The following IFNAR2 variants were observed in gnomAD, a reference collection of about 807,000 sequenced individuals.
IFNAR2 encodes interferon alpha and beta receptor subunit 2.
A neutral mutation model predicts 49.4 loss-of-function variants in IFNAR2; 30 were observed. The ratio of observed to expected loss-of-function variants is 0.61; its 90% confidence interval spans 0.45 to 0.82. IFNAR2 has a LOEUF of 0.82. IFNAR2 is among the 40% of genes least tolerant of loss of function. The probability of loss-of-function intolerance (pLI) is 0.00; values close to 1 mark genes in which losing one functional copy is unlikely to be tolerated. For synonymous variants in IFNAR2, 224 were observed against 234.5 expected (o/e 0.96, Z 0.41); for missense variants, 600 against 622.7 (o/e 0.96, Z 0.39).
At chr21:33,233,563 C>A (rs1246851927) in intron 1 of IFNAR2, among the ~76,000 whole-genome samples, 1 of 152,090 alleles carries the variant, frequency 6.6e-6, no homozygotes, top group Non-Finnish European at 1.5e-5. Context: ...AAAACAAAAT[C>A]AAGCTCGCCT....
In IFNAR2 at chr21:33,265,656, T is replaced by A. The variant is rs979589800; in HGVS notation, c.*2156T>A. The A allele has an allele frequency of 5.7e-5, 13 of 227,750 alleles. No homozygotes were observed. The Admixed American group carries it at 6.9e-4, about 12-fold the overall frequency. The allele number at this position is 227,750 out of a possible 1,614,324, so 14.1% of individuals were successfully genotyped here. ...AAAAAGTAACACAACAGTACTTTTT[T>A]AATACAAACTTGGTGTGGTCTTGAG... On this transcript the variant is annotated 3_prime_UTR_variant, in exon 9 of 9. Coordinates refer to ENST00000342136, the MANE Select transcript of IFNAR2 (RefSeq NM_001289125.3).
At chr21:33,262,358 C>A (rs1988648332) in intron 8 of IFNAR2, among the ~76,000 whole-genome samples, 1 of 121,936 alleles carries the variant, frequency 8.2e-6, no homozygotes, top group African/African-American at 3.2e-5. Context: ...AGCGAGACTC[C>A]CGTCTCAAAA....
At chr21:33,260,253 G>A (rs1175354502) in intron 7 of IFNAR2, among the ~76,000 whole-genome samples, 3 of 152,138 alleles carry the variant, frequency 2.0e-5, no homozygotes, top group Non-Finnish European at 1.5e-5. Flanking sequence ...GCTACCGAAC[G>A]TTTGAGATGT....
At chr21:33,247,657 A>G (rs1987539902) in intron 5 of IFNAR2, among the ~76,000 whole-genome samples, 1 of 152,146 alleles carries the variant, frequency 6.6e-6, no homozygotes, top group Non-Finnish European at 1.5e-5. Context: ...TCAGAGGAGA[A>G]GACTAGACCC....
In IFNAR2 at chr21:33,242,457, G is replaced by T. The variant is rs137865413; in HGVS notation, c.55+480G>T. 3.9e-5 allele frequency among the ~76,000 whole-genome samples: 6 copies of T among 152,178 alleles called. No homozygotes were observed. The East Asian group carries it at 9.7e-4, about 25-fold the overall frequency. On this transcript the variant is annotated intron_variant, in intron 2 of 8. Transcript: ENST00000342136. ...TGTTAAAGATCTCGTGTGTGTCCGG[G>T]CGCGGTGGCTCGCGCCTGTAATCCC...
intron 1 of IFNAR2, among the ~76,000 whole-genome samples, chr21:33,237,727 G>A (rs932305944): frequency 1.3e-5 from 2 of 152,172 alleles, no homozygotes; most frequent in Non-Finnish European, 2.9e-5. Flanking sequence ...GATATCTCAT[G>A]GGTGGTGGAG....
rs147228568 is a variant in IFNAR2, at chr21:33,263,045, G to A, written c.1093G>A (p.Glu365Lys). ...ATCCCAGTTGATAGACCCGGAGTCC[G>A]AGGAGGAGCCTGACCTGCCTGAGGT... is the stretch of plus-strand genomic sequence containing the variant. ...TESQLIDPES[E>K]EEPDLPEVDV... Residue 365 changes from glutamate (E) to lysine (K), a missense_variant, in exon 9 of 9, where the codon GAG becomes AAG. Glu to Lys is a moderately conservative substitution (Grantham distance 56). Coordinates refer to ENST00000342136, the MANE Select transcript of IFNAR2 (RefSeq NM_001289125.3). 28 of 1,614,034 alleles carry A rather than the reference G, an allele frequency of 1.7e-5. No individual in the cohort carries two copies. In the African/African-American group the frequency reaches 1.9e-4, roughly 11 times the overall value.
At chr21:33,241,733 AG>A (rs1429394409) in intron 1 of IFNAR2, 106 bp from the exon 2 acceptor site, 1 of 698,682 alleles carries the variant, frequency 1.4e-6, no homozygotes, top group Non-Finnish European at 2.1e-6. Context: ...TGGGCCCAGA[AG>A]CTGAGACCAG....
rs9975738 is a variant in IFNAR2 at position 33,229,941 on chromosome 21, T to G, written c.-359T>G. The G allele has an allele frequency of 0.56, 549,761 of 982,136 alleles. 154,265 individuals carry two copies. Among genetic ancestry groups the G allele is most frequent in the East Asian group, 0.7 (6,064 of 8,702 alleles). 60.8% of individuals were successfully genotyped at this position (982,136 alleles called of 1,614,324 possible). ...GCGGCGCGGCGCCCGCGCTTCCGTA[T>G]CGCTCCTCGTAGGCCGGGGCTCGGC... is the stretch of plus-strand genomic sequence containing the variant. On this transcript the variant is annotated 5_prime_UTR_variant, in exon 1 of 9. Transcript: ENST00000342136.
At position 33,241,966 on chromosome 21, in the gene IFNAR2, T is replaced by G. The variant is rs755873190; in HGVS notation, c.44T>G (p.Leu15Trp). ...GCCTTCATCTTCAGATCACTTAATT[T>G]GGTTCTCATGGGTAAGTGCTGCTTT... ...QNAFIFRSLNLVLMVYISLVF... is the reference protein window; with the variant it reads ...QNAFIFRSLNWVLMVYISLVF... Residue 15 changes from leucine (L) to tryptophan (W), a missense_variant, in exon 2 of 9, where the codon TTG (leucine) becomes TGG (tryptophan). Coordinates refer to ENST00000342136, the MANE Select transcript of IFNAR2 (RefSeq NM_001289125.3). 6 of 1,612,888 alleles carry G rather than the reference T, an allele frequency of 3.7e-6. No individual in the cohort carries two copies. In the Admixed American group the frequency reaches 1.0e-4, roughly 27 times the overall value.
chr21:33,261,035 C>CTTTTTTTTTT (rs368696822), intron 8 of IFNAR2, among the ~76,000 whole-genome samples: 84 of 95,976 alleles, frequency 8.8e-4, no homozygotes, highest in East Asian at 1.4e-3. Flanking sequence ...GTTTTCTTTC[C>CTTTTTTTTTT]TTTTTTTTTT....
chr21:33,247,246 C>CTT lies in IFNAR2; in HGVS notation c.394+358_394+359dup, dbSNP rs71194830. Among the ~76,000 whole-genome samples, 480 of 101,064 alleles carry CTT rather than the reference C, an allele frequency of 4.7e-3. 16 individuals are homozygous for CTT. The highest frequency in any genetic ancestry group is 0.012 in the African/African-American group (309 of 24,970). 66.3% of individuals were successfully genotyped at this position (101,064 alleles called of 152,430 possible). On this transcript the variant is annotated intron_variant, in intron 5 of 8. Coordinates refer to ENST00000342136, the MANE Select transcript of IFNAR2 (RefSeq NM_001289125.3). ...GGCCCAGGATTTTCTTTCTTTCTTT[C>CTT]TTTCTTTCTTTTTTTTTTTTTTTGA...
chr21:33,248,588 T>C, intron 5 of IFNAR2, 121 bp from the exon 6 acceptor site: 1 of 798,500 alleles, frequency 1.3e-6, no homozygotes, highest in African/African-American at 1.8e-5. Flanking sequence ...AATGAAAAAT[T>C]ATGATGTAAA....
At chr21:33,240,262 AAT>A (rs1307078917) in intron 1 of IFNAR2, among the ~76,000 whole-genome samples, 1 of 152,236 alleles carries the variant, frequency 6.6e-6, no homozygotes, top group Non-Finnish European at 1.5e-5. Flanking sequence ...TCTGTGTCTA[AAT>A]ATGTTCAGAT....
intron 1 of IFNAR2, among the ~76,000 whole-genome samples, chr21:33,238,764 C>T (rs1163148251): frequency 8.1e-6 from 1 of 122,936 alleles, no homozygotes; most frequent in African/African-American, 3.0e-5. Context: ...ATCACAGTTT[C>T]CCTTCTACTT....
rs1987646527 is a variant in IFNAR2 at position 33,248,962 on chromosome 21, G to A, written c.540+108G>A. 2.7e-5 allele frequency: 22 copies of A among 803,276 alleles called. 1 individual carries two copies. Among genetic ancestry groups the A allele is most frequent in the South Asian group, 2.5e-4 (14 of 55,880 alleles). 49.8% of individuals were successfully genotyped at this position (803,276 alleles called of 1,614,324 possible). ...GCAGTTGAACAATTAAAGCTAAAACGTCAGGCTTCAGTATGGTCCGACTTA... is the reference window on the plus strand; with the variant it reads ...GCAGTTGAACAATTAAAGCTAAAACATCAGGCTTCAGTATGGTCCGACTTA... On this transcript the variant is annotated intron_variant, in intron 6 of 8. Coordinates refer to ENST00000342136, the MANE Select transcript of IFNAR2 (RefSeq NM_001289125.3).
chr21:33,247,315 G>A (rs927274442), intron 5 of IFNAR2, among the ~76,000 whole-genome samples: 7 of 145,960 alleles, frequency 4.8e-5, no homozygotes, highest in African/African-American at 1.8e-4. Context: ...GCAGTGGTGC[G>A]ATCTTCGCTC....
chr21:33,260,450 G>A, intron 7 of IFNAR2, 147 bp from the exon 8 acceptor site: 1 of 627,836 alleles, frequency 1.6e-6, no homozygotes, highest in Non-Finnish European at 2.6e-6. Context: ...TAATTCTCCA[G>A]TCTCTGGTAT....
At chr21:33,260,807 ATT>A in intron 8 of IFNAR2, 80 bp downstream of exon 8, 1 of 887,144 alleles carries the variant, frequency 1.1e-6, no homozygotes, top group Non-Finnish European at 1.6e-6. Flanking sequence ...TTATATAAAT[ATT>A]TTCACAGAAG....
Sources: allele counts gnomAD v4.1 joint callset (sites outside exome capture counted in the v4.1 genomes callset), GRCh38; gene constraint gnomAD v4.1.1; transcripts MANE v1.5; gene names NCBI Gene and HGNC (gene_info 2026-07-23, HGNC 2026-07-21).